The following SPATA13 variants were observed in gnomAD, a reference collection of about 807,000 sequenced individuals.
SPATA13 encodes spermatogenesis-associated protein 13.
A neutral mutation model predicts 104.0 loss-of-function variants in SPATA13; 50 were observed. The ratio of observed to expected loss-of-function variants is 0.48; its 90% confidence interval spans 0.38 to 0.61. SPATA13 has a LOEUF of 0.61. Among genes scored for constraint, SPATA13 ranks in the 20% least tolerant of loss-of-function variants. The pLI is 0.00. For missense variants in SPATA13, 1,524 were observed against 1,690.6 expected (o/e 0.90, Z 1.73); for synonymous variants, 606 against 667.5 (o/e 0.91, Z 1.42).
intron 3 of SPATA13, among the ~76,000 whole-genome samples, chr13:24,022,773 A>G (rs1199188164): frequency 1.3e-5 from 2 of 152,144 alleles, no homozygotes; most frequent in Non-Finnish European, 2.9e-5. Flanking sequence ...TTCACTGATG[A>G]CTACTTCTGC....
At chr13:24,177,263 A>C (rs1868491039) in intron 1 of SPATA13, among the ~76,000 whole-genome samples, 1 of 152,230 alleles carries the variant, frequency 6.6e-6, no homozygotes, top group South Asian at 2.1e-4. Flanking sequence ...AAGAGATCAG[A>C]TACTTTCATA....
intron 3 of SPATA13, among the ~76,000 whole-genome samples, chr13:24,030,087 CACAT>C (rs879626986): frequency 0.048 from 5,956 of 123,834 alleles, 240 homozygotes; most frequent in African/African-American, 0.12. Context: ...CACACACACA[CACAT>C]ACATACATAC....
intron 3 of SPATA13, among the ~76,000 whole-genome samples, chr13:24,023,952 C>T (rs1369353237): frequency 5.9e-5 from 9 of 152,154 alleles, no homozygotes; most frequent in Admixed American, 1.3e-4. Context: ...TGCATGTGGA[C>T]GCTAATATCA....
At chr13:24,122,829 GAGA>G (rs1340932543) in intron 3 of SPATA13, 3 of 773,494 alleles carry the variant, frequency 3.9e-6, no homozygotes, top group Non-Finnish European at 7.2e-6. Context: ...GTGCACTAAA[GAGA>G]AGATCTCCTC....
Position 24,111,930 on chromosome 13 carries a change from C to T in SPATA13, c.-112+94229C>T, listed in dbSNP as rs548238845. ...GTTTGATGTTGGTATTGAGGTTATA[C>T]TGCCTCTGTCCAATCAGCGGAAGCA... is the stretch of plus-strand genomic sequence containing the variant. On this transcript the variant is annotated intron_variant, in intron 3 of 14. Transcript: ENST00000424834. Among the ~76,000 whole-genome samples the T allele has an allele frequency of 6.6e-5, 10 of 152,338 alleles. No homozygotes were observed. The South Asian group carries it at 2.1e-3, about 32-fold the overall frequency.
chr13:24,022,534 C>G (rs181265771), intron 3 of SPATA13, among the ~76,000 whole-genome samples: 1 of 152,160 alleles, frequency 6.6e-6, no homozygotes, highest in Non-Finnish European at 1.5e-5. Flanking sequence ...CTTCTGATCT[C>G]TTACAAAATA....
intron 3 of SPATA13, among the ~76,000 whole-genome samples, chr13:24,071,446 A>G (rs1486084380): frequency 6.6e-6 from 1 of 152,228 alleles, no homozygotes; most frequent in Non-Finnish European, 1.5e-5. Context: ...TAACTCTCAT[A>G]ACAACTCTGT....
chr13:24,194,596 T>C (rs747235570), intron 1 of SPATA13, among the ~76,000 whole-genome samples: 35 of 152,232 alleles, frequency 2.3e-4, no homozygotes, highest in Non-Finnish European at 2.5e-4. Flanking sequence ...ATCCTGCTAA[T>C]AGCTGCATAA....
chr13:24,054,358 A>G (rs972581329), intron 3 of SPATA13, among the ~76,000 whole-genome samples: 1 of 152,240 alleles, frequency 6.6e-6, no homozygotes, highest in Non-Finnish European at 1.5e-5. Flanking sequence ...GCTCTGTCCA[A>G]GTATCCAAGT....
chr13:24,167,134 C>G (rs1196300135), intron 1 of SPATA13, among the ~76,000 whole-genome samples: 2 of 152,206 alleles, frequency 1.3e-5, no homozygotes, highest in African/African-American at 4.8e-5. Context: ...TTGGGAACCA[C>G]TGTCATAGGT....
intron 1 of SPATA13, among the ~76,000 whole-genome samples, chr13:24,187,271 C>A (rs1266624595): frequency 1.3e-5 from 2 of 152,134 alleles, no homozygotes; most frequent in African/African-American, 4.8e-5. Flanking sequence ...CTCAGAGTGA[C>A]ACATGAGTCA....
At chr13:24,141,283 C>A (rs1225380406) in intron 3 of SPATA13, among the ~76,000 whole-genome samples, 1 of 152,044 alleles carries the variant, frequency 6.6e-6, no homozygotes, top group African/African-American at 2.4e-5. Flanking sequence ...GAGTTCCAGA[C>A]CAGCCTGGGC....
intron 1 of SPATA13, among the ~76,000 whole-genome samples, chr13:24,164,963 G>T (rs1176492249): frequency 1.3e-5 from 2 of 152,160 alleles, no homozygotes; most frequent in Non-Finnish European, 1.5e-5. Flanking sequence ...GAACCCTGGG[G>T]AGCTGTGGCA....
Position 24,205,750 on chromosome 13 carries a change from A to C in SPATA13, c.-111-17069A>C, listed in dbSNP as rs1223303092. Reference sequence around the variant, plus strand: ...CAAGAACAGACAAATAGACAAATGGAACAGAATAGAGAACCCAGAAATAAG... The same window carrying C: ...CAAGAACAGACAAATAGACAAATGGCACAGAATAGAGAACCCAGAAATAAG... On this transcript the variant is annotated intron_variant, in intron 1 of 12. Coordinates refer to ENST00000382108, the MANE Select transcript of SPATA13 (RefSeq NM_001166271.3). This position sits in a 1 kb window ranked among gnomAD's most constrained non-coding sequence, Gnocchi z 4.1. Among the ~76,000 whole-genome samples the C allele has an allele frequency of 6.6e-6, 1 of 152,190 alleles. No homozygotes were observed. Among genetic ancestry groups the C allele is most frequent in the Non-Finnish European group, 1.5e-5 (1 of 68,030 alleles).
chr13:24,304,625 A>G lies in SPATA13; in HGVS notation c.*1852A>G, dbSNP rs1421692423. ...TGACATCATGCATCAAGAAAACATA[A>G]CCTTGGTCCTCAGGTGAACCCTTGG... On this transcript the variant is annotated 3_prime_UTR_variant, in exon 13 of 13. Coordinates refer to ENST00000382108, the MANE Select transcript of SPATA13 (RefSeq NM_001166271.3). 6.6e-6 allele frequency: 1 copy of G among 152,262 alleles called. No individual in the cohort carries two copies. The highest frequency in any genetic ancestry group is 1.5e-5 in the Non-Finnish European group (1 of 68,096). The allele number at this position is 152,262 out of a possible 1,614,324, so 9.4% of individuals were successfully genotyped here. A position where few individuals can be genotyped will look rare whatever the true frequency, so the allele number is the denominator to read the frequency against.
At chr13:24,001,043 A>C (rs1875942652) in intron 2 of SPATA13, among the ~76,000 whole-genome samples, 1 of 150,176 alleles carries the variant, frequency 6.7e-6, no homozygotes, top group Non-Finnish European at 1.5e-5. Context: ...CCCCTTGTTC[A>C]CTCCCCTCAC....
At chr13:24,049,747 T>G (rs1331374423) in intron 3 of SPATA13, among the ~76,000 whole-genome samples, 1 of 152,134 alleles carries the variant, frequency 6.6e-6, no homozygotes, top group East Asian at 1.9e-4. Flanking sequence ...GCACCACATG[T>G]GTAAATATCC....
At chr13:24,101,538 A>G (rs1465686511) in intron 3 of SPATA13, among the ~76,000 whole-genome samples, 2 of 152,216 alleles carry the variant, frequency 1.3e-5, no homozygotes, top group Non-Finnish European at 2.9e-5. Flanking sequence ...TTAAGTGTAC[A>G]GTATAGTAGT....
intron 3 of SPATA13, among the ~76,000 whole-genome samples, chr13:24,040,131 C>T (rs1566082223): frequency 6.6e-6 from 1 of 152,248 alleles, no homozygotes; most frequent in Non-Finnish European, 1.5e-5. Context: ...CCCCCAAACA[C>T]AGACAGGCTT....
Sources: allele counts gnomAD v4.1 joint callset (sites outside exome capture counted in the v4.1 genomes callset), GRCh38; gene constraint gnomAD v4.1.1; non-coding constraint Gnocchi (gnomAD v3.1); transcripts MANE v1.5; gene names NCBI Gene and HGNC (gene_info 2026-07-23, HGNC 2026-07-21).